The following TGFBR3 variants were observed in gnomAD, a reference collection of about 807,000 sequenced individuals.
The protein encoded by TGFBR3 is transforming growth factor beta receptor type 3.
Under a neutral mutation model 87.9 loss-of-function variants are expected in TGFBR3, and 46 were observed. That is an observed-to-expected ratio of 0.52 (90% CI 0.41 to 0.67). TGFBR3 has a LOEUF of 0.67. TGFBR3 is among the 30% of genes least tolerant of loss of function. TGFBR3 has a pLI of 0.00. For synonymous variants in TGFBR3, 381 were observed against 391.6 expected (o/e 0.97, Z 0.32); for missense variants, 866 against 1,041.9 (o/e 0.83, Z 2.32).
In TGFBR3 at chr1:91,680,865, A is replaced by T. The variant is rs1557651676; in HGVS notation, c.*2874T>A. 2 of 447,516 alleles carry T rather than the reference A, an allele frequency of 4.5e-6. No individual in the cohort carries two copies. The highest frequency in any genetic ancestry group is 4.5e-6 in the Non-Finnish European group (1 of 223,764). The allele number at this position is 447,516 out of a possible 1,614,324, so 27.7% of individuals were successfully genotyped here. A position where few individuals can be genotyped will look rare whatever the true frequency, so the allele number is the denominator to read the frequency against. ...TTATTACAAGGCAAAGAAAAAAACC[A>T]TTTTTTTTGTTTAGAAAATGCTATA... On this transcript the variant is annotated 3_prime_UTR_variant, in exon 17 of 17. Coordinates refer to ENST00000212355, the MANE Select transcript of TGFBR3 (RefSeq NM_003243.5).
intron 3 of TGFBR3, among the ~76,000 whole-genome samples, chr1:91,775,538 A>C (rs2100946167): frequency 6.6e-6 from 1 of 151,970 alleles, no homozygotes; most frequent in East Asian, 1.9e-4. Context: ...CTAACAACCA[A>C]CTCTTCCTGT....
intron 2 of TGFBR3, among the ~76,000 whole-genome samples, chr1:91,850,780 CAAAAA>C (rs61025683): frequency 0.26 from 15,077 of 57,904 alleles, 1,150 homozygotes; most frequent in East Asian, 0.49. Flanking sequence ...GACCCTGTCT[CAAAAA>C]AAAAAAAAAA....
Position 91,695,162 on chromosome 1 carries a change from T to C in TGFBR3, c.2437+510A>G, listed in dbSNP as rs17885160. On this transcript the variant is annotated intron_variant, in intron 16 of 16. Transcript: ENST00000212355. The stretch of plus-strand genomic sequence containing the variant: ...AATCTATTTAGAAAATTTAACTTTA[T>C]AGAAAAACATGAAAATTTTATGTTT... Among the ~76,000 whole-genome samples the C allele has an allele frequency of 3.7e-3, 568 of 151,918 alleles. 4 individuals are homozygous for C. Among genetic ancestry groups the C allele is most frequent in the African/African-American group, 0.013 (534 of 41,430 alleles).
At chr1:91,834,618 CT>C (rs1676991265) in intron 2 of TGFBR3, among the ~76,000 whole-genome samples, 1 of 152,226 alleles carries the variant, frequency 6.6e-6, no homozygotes, top group Non-Finnish European at 1.5e-5. Flanking sequence ...TTTCATGGAG[CT>C]TCCATTCTAT....
intron 13 of TGFBR3, among the ~76,000 whole-genome samples, chr1:91,710,160 T>C (rs895179995): frequency 1.3e-5 from 2 of 152,208 alleles, no homozygotes; most frequent in Non-Finnish European, 2.9e-5. Context: ...TCAAGTTCCA[T>C]CTTTTCCAAA....
At chr1:91,746,512 G>A (rs929907586) in intron 4 of TGFBR3, among the ~76,000 whole-genome samples, 8 of 151,360 alleles carry the variant, frequency 5.3e-5, no homozygotes, top group African/African-American at 1.5e-4. Flanking sequence ...TGTTTTTCAC[G>A]AAAAAAAATA....
intron 2 of TGFBR3, among the ~76,000 whole-genome samples, chr1:91,814,250 CAT>C (rs1676129021): frequency 6.6e-6 from 1 of 152,164 alleles, no homozygotes; most frequent in Non-Finnish European, 1.5e-5. Context: ...CACACACACA[CAT>C]ACATGCCAAG....
intron 10 of TGFBR3, among the ~76,000 whole-genome samples, chr1:91,717,906 A>G (rs1219378819): frequency 6.6e-6 from 1 of 151,052 alleles, no homozygotes; most frequent in Non-Finnish European, 1.5e-5. Flanking sequence ...CTTAACAGAC[A>G]TATTACTGTA....
At chr1:91,899,539 A>C (rs1441621559) in intron 2 of TGFBR3, 6 of 151,884 alleles carry the variant, frequency 4.0e-5, no homozygotes, top group Non-Finnish European at 8.8e-5. Context: ...TATGCCATGT[A>C]AGCACTTAGA....
At chr1:91,744,857 A>G (rs1227692604) in intron 4 of TGFBR3, among the ~76,000 whole-genome samples, 1 of 152,222 alleles carries the variant, frequency 6.6e-6, no homozygotes, top group Admixed American at 6.5e-5. Flanking sequence ...GCCAAGAGGG[A>G]GAGTGTAAAG....
intron 2 of TGFBR3, among the ~76,000 whole-genome samples, chr1:91,856,479 G>C (rs181849533): frequency 2.5e-3 from 375 of 151,254 alleles, no homozygotes; most frequent in Admixed American, 7.2e-3. Flanking sequence ...AGGAAAGAAA[G>C]GTTTTCACTG....
chr1:91,751,492 T>C (rs550067269), intron 4 of TGFBR3, among the ~76,000 whole-genome samples: 336 of 152,316 alleles, frequency 2.2e-3, no homozygotes, highest in Middle Eastern at 6.8e-3. Flanking sequence ...CCTTCTGATT[T>C]CCAGTTAAAT....
rs750602752 is a variant in TGFBR3 at position 91,719,350 on chromosome 1, G to A, written c.1528C>T (p.Arg510Trp). 87 of 1,614,010 alleles carry A rather than the reference G, an allele frequency of 5.4e-5. No homozygotes were observed. Among genetic ancestry groups the A allele is most frequent in the South Asian group, 2.1e-4 (19 of 91,076 alleles). The change falls in exon 10 of 17, where the codon CGG (arginine) becomes TGG (tryptophan). Residue 510 changes from arginine to tryptophan, a missense_variant. Transcript: ENST00000212355. ...ACCACACCATCAAGGGCTGACCACC[G>A]GGGCCGAGTACCGCAGCCATTCAGA... ...SPLNGCGTRP[R>W]WSALDGVVYY...
chr1:91,737,504 C>T (rs1174932524), intron 4 of TGFBR3, among the ~76,000 whole-genome samples: 1 of 152,112 alleles, frequency 6.6e-6, no homozygotes, highest in African/African-American at 2.4e-5. Context: ...GAACTTAAGA[C>T]TTCTGACTCC....
At chr1:91,705,172 T>G (rs1356295963) in intron 14 of TGFBR3, among the ~76,000 whole-genome samples, 1 of 152,062 alleles carries the variant, frequency 6.6e-6, no homozygotes, top group Non-Finnish European at 1.5e-5. Flanking sequence ...ATTCGTGACC[T>G]GTTATTATTC....
At chr1:91,887,476 G>A (rs775722510), upstream of TGFBR3, among the ~76,000 whole-genome samples, 6 of 151,914 alleles carry the variant, frequency 3.9e-5, no homozygotes, top group Non-Finnish European at 8.8e-5. Context: ...TAGTTGCCCA[G>A]GCTGGTCTCA....
intron 8 of TGFBR3, among the ~76,000 whole-genome samples, chr1:91,721,423 C>T (rs1415658921): frequency 1.3e-5 from 2 of 152,162 alleles, no homozygotes; most frequent in Non-Finnish European, 2.9e-5. Context: ...GTACCATGAG[C>T]TGAGGAACAG....
At chr1:91,748,564 CT>C (rs1355337915) in intron 4 of TGFBR3, among the ~76,000 whole-genome samples, 1 of 152,140 alleles carries the variant, frequency 6.6e-6, no homozygotes, top group Non-Finnish European at 1.5e-5. Context: ...ATGCGATGCC[CT>C]GATTTGGCTC....
intron 1 of TGFBR3, among the ~76,000 whole-genome samples, chr1:91,875,249 C>A (rs780577331): frequency 6.6e-6 from 1 of 152,108 alleles, no homozygotes; most frequent in Non-Finnish European, 1.5e-5. Flanking sequence ...ACTGGAGGAG[C>A]TGGCAGCAGT....
Sources: allele counts gnomAD v4.1 joint callset (sites outside exome capture counted in the v4.1 genomes callset), GRCh38; gene constraint gnomAD v4.1.1; transcripts MANE v1.5; gene names NCBI Gene and HGNC (gene_info 2026-07-23, HGNC 2026-07-21).